The following KCNIP4 variants were observed in gnomAD, a reference collection of about 807,000 sequenced individuals.
KCNIP4 encodes the protein potassium voltage-gated channel interacting protein 4, also known as Kv channel-interacting protein 4.
KCNIP4 carries 12 observed loss-of-function variants against 34.0 expected under a neutral mutation model. That is an observed-to-expected ratio of 0.35 (90% CI 0.23 to 0.57). KCNIP4 has a LOEUF of 0.57. Ranked by LOEUF, KCNIP4 falls within the 20% of genes least tolerant of loss-of-function variation. The pLI is 0.83. For missense variants in KCNIP4, 238 were observed against 311.7 expected (o/e 0.76, Z 1.78); for synonymous variants, 124 against 102.2 (o/e 1.21, Z -1.29).
At chr4:21,777,131 C>T (rs1347818500) in intron 1 of KCNIP4, among the ~76,000 whole-genome samples, 4 of 152,154 alleles carry the variant, frequency 2.6e-5, no homozygotes, top group South Asian at 4.1e-4. Flanking sequence ...CTTCTCTCTC[C>T]TGCTGCCTTG....
chr4:21,707,074 C>G (rs78375890), intron 1 of KCNIP4, among the ~76,000 whole-genome samples: 7 of 152,152 alleles, frequency 4.6e-5, no homozygotes, highest in Non-Finnish European at 7.4e-5. Context: ...CAAAGCAAGT[C>G]AAAATCAACC....
chr4:21,559,320 G>A (rs1373710903), intron 1 of KCNIP4, among the ~76,000 whole-genome samples: 1 of 152,120 alleles, frequency 6.6e-6, no homozygotes, highest in African/African-American at 2.4e-5. Context: ...TGAGGACACT[G>A]AGTCACAAAG....
intron 1 of KCNIP4, among the ~76,000 whole-genome samples, chr4:21,093,985 G>C (rs1043804361): frequency 1.6e-4 from 25 of 152,080 alleles, no homozygotes; most frequent in African/African-American, 6.0e-4. Context: ...AGGAGGCTGA[G>C]GCAGGAGAAT....
chr4:21,642,895 C>T (rs902564698), intron 1 of KCNIP4, among the ~76,000 whole-genome samples: 3 of 152,072 alleles, frequency 2.0e-5, no homozygotes, highest in Non-Finnish European at 4.4e-5. Context: ...CTTATTATTG[C>T]CATGTCCTGT....
At chr4:21,869,354 A>G (rs1358573712) in intron 1 of KCNIP4, among the ~76,000 whole-genome samples, 1 of 152,106 alleles carries the variant, frequency 6.6e-6, no homozygotes, top group African/African-American at 2.4e-5. Context: ...GGCTCCTAGA[A>G]GGTTGAGAAT....
chr4:21,090,297 G>C (rs1746880872), intron 1 of KCNIP4, among the ~76,000 whole-genome samples: 1 of 152,190 alleles, frequency 6.6e-6, no homozygotes, highest in Non-Finnish European at 1.5e-5. Context: ...ATACCACAGT[G>C]TGACACAGAT....
intron 2 of KCNIP4, among the ~76,000 whole-genome samples, chr4:20,866,734 G>C (rs1186635354): frequency 6.6e-6 from 1 of 152,014 alleles, no homozygotes; most frequent in African/African-American, 2.4e-5. Flanking sequence ...CTTCACTGAT[G>C]ATATGACTCT....
chr4:21,287,691 C>A (rs1328593667), intron 1 of KCNIP4, among the ~76,000 whole-genome samples: 1 of 152,132 alleles, frequency 6.6e-6, no homozygotes, highest in Non-Finnish European at 1.5e-5. Context: ...ATGACTCCCA[C>A]ATAAACCTAT....
In KCNIP4 at chr4:21,472,750, A is replaced by G. The variant is rs192528867; in HGVS notation, c.61+475821T>C. Among the ~76,000 whole-genome samples, 40 of 152,300 alleles carry G rather than the reference A, an allele frequency of 2.6e-4. No homozygotes were observed. In the East Asian group the frequency reaches 6.8e-3, roughly 26 times the overall value. On this transcript the variant is annotated intron_variant, in intron 1 of 8. Coordinates refer to ENST00000382152, the MANE Select transcript of KCNIP4 (RefSeq NM_025221.6). ...ATGCAGTCAGCTAGATCTGTATTCA[A>G]TCCTTGGTTTTTCTCTAATTAAATG...
At position 21,153,443 on chromosome 4, in the gene KCNIP4, C is replaced by A. The variant is rs1045805541; in HGVS notation, c.62-270734G>T. ...TAGTATTTCTTTGTTAATTCTCTCTCTGTCCCTCTCTCTCTCTCTCTCTTT... is the reference window on the plus strand; with the variant it reads ...TAGTATTTCTTTGTTAATTCTCTCTATGTCCCTCTCTCTCTCTCTCTCTTT... On this transcript the variant is annotated intron_variant, in intron 1 of 8. Transcript: ENST00000382152. 5.3e-5 allele frequency among the ~76,000 whole-genome samples: 8 copies of A among 150,126 alleles called. No individual in the cohort carries two copies. The South Asian group carries it at 1.7e-3, about 32-fold the overall frequency.
intron 1 of KCNIP4, among the ~76,000 whole-genome samples, chr4:21,907,685 T>C (rs1470868603): frequency 4.6e-5 from 7 of 152,192 alleles, no homozygotes; most frequent in Non-Finnish European, 4.4e-5. Flanking sequence ...TGTGTTCCTG[T>C]TTCCCCAATC....
chr4:21,272,821 TA>T (rs1762231294), intron 1 of KCNIP4, among the ~76,000 whole-genome samples: 1 of 152,218 alleles, frequency 6.6e-6, no homozygotes, highest in Non-Finnish European at 1.5e-5. Context: ...ATGAAATGTA[TA>T]TATGCTAATG....
chr4:21,676,248 C>T (rs1048492738), intron 1 of KCNIP4, among the ~76,000 whole-genome samples: 8 of 152,120 alleles, frequency 5.3e-5, no homozygotes, highest in Admixed American at 2.6e-4. Context: ...TGCCACCTCA[C>T]GTTTAACAAA....
At chr4:20,777,341 G>A (rs943886487) in intron 3 of KCNIP4, among the ~76,000 whole-genome samples, 1 of 152,160 alleles carries the variant, frequency 6.6e-6, no homozygotes, top group African/African-American at 2.4e-5. Flanking sequence ...ACCTCCCACT[G>A]GATCCTTCCC....
chr4:21,153,668 A>T (rs1032481583), intron 1 of KCNIP4, among the ~76,000 whole-genome samples: 3 of 152,028 alleles, frequency 2.0e-5, no homozygotes, highest in Non-Finnish European at 4.4e-5. Context: ...TATTTTGCTT[A>T]TCTTGAATCT....
At chr4:21,842,067 A>C (rs1288330981) in intron 1 of KCNIP4, among the ~76,000 whole-genome samples, 3 of 152,186 alleles carry the variant, frequency 2.0e-5, no homozygotes, top group Non-Finnish European at 4.4e-5. Flanking sequence ...TAAGTGCTGA[A>C]AAAGTAAAAT....
intron 1 of KCNIP4, among the ~76,000 whole-genome samples, chr4:21,460,336 C>T (rs1216692512): frequency 2.0e-5 from 3 of 151,996 alleles, no homozygotes; most frequent in Admixed American, 1.3e-4. Flanking sequence ...TTAATTGCAG[C>T]TCTCCCTGTT....
chr4:21,340,596 T>C (rs907482738), intron 1 of KCNIP4, among the ~76,000 whole-genome samples: 1 of 151,978 alleles, frequency 6.6e-6, no homozygotes, highest in Non-Finnish European at 1.5e-5. Flanking sequence ...TAAGGGCATC[T>C]AAAGGGCATA....
intron 1 of KCNIP4, among the ~76,000 whole-genome samples, chr4:21,077,432 TA>T (rs1745587076): frequency 6.6e-6 from 1 of 152,140 alleles, no homozygotes; most frequent in South Asian, 2.1e-4. Context: ...TGGCTTATTA[TA>T]ATGCTGGTCT....
Sources: allele counts gnomAD v4.1 joint callset (sites outside exome capture counted in the v4.1 genomes callset), GRCh38; gene constraint gnomAD v4.1.1; transcripts MANE v1.5; gene names NCBI Gene and HGNC (gene_info 2026-07-23, HGNC 2026-07-21).